The following GART variants were observed in gnomAD, a reference collection of about 807,000 sequenced individuals.
GART encodes phosphoribosylglycinamide formyltransferase, phosphoribosylglycinamide synthetase, phosphoribosylaminoimidazole synthetase, also known as trifunctional purine biosynthetic protein adenosine-3.
A neutral mutation model predicts 107.2 loss-of-function variants in GART; 43 were observed. The ratio of observed to expected loss-of-function variants is 0.40; its 90% CI spans 0.31 to 0.52. The LOEUF (loss-of-function observed/expected upper bound fraction) is 0.52, where lower values mean the gene tolerates loss of function less well. GART is among the 20% of genes least tolerant of loss of function. The probability of loss-of-function intolerance (pLI) is 0.52; values close to 1 mark genes in which losing one functional copy is unlikely to be tolerated. For missense variants in GART, 1,107 were observed against 1,206.5 expected, an observed-to-expected ratio of 0.92 and a Z score of 1.22; for synonymous variants, 434 against 427.0, an observed-to-expected ratio of 1.02 and a Z score of -0.20.
intron 8 of GART, 85 bp from the exon 9 acceptor site, chr21:33,528,689 T>C (rs775802746): frequency 8.5e-5 from 88 of 1,033,558 alleles, no homozygotes; most frequent in Non-Finnish European, 1.1e-4. Context: ...ATCTACTACA[T>C]AAACTTCTAA....
At chr21:33,531,263 G>A (rs2085182761) in intron 6 of GART, 1 of 506,106 alleles carries the variant, frequency 2.0e-6, no homozygotes, top group Non-Finnish European at 3.5e-6. Flanking sequence ...AACCTCAATA[G>A]TGTGTAAGTC....
intron 18 of GART, chr21:33,509,525 CA>C (rs1468249847): frequency 6.1e-6 from 2 of 330,292 alleles, no homozygotes; most frequent in African/African-American, 4.2e-5. Flanking sequence ...AGCTATGATA[CA>C]AAATGAGCTG....
chr21:33,504,470 T>C lies in GART; in HGVS notation c.2783A>G (p.His928Arg), dbSNP rs752771796. Reference sequence around the variant, plus strand: ...GACTCCGGTTTCCAGGGCTTGCTCATGGGCATTTGAACCCTTAAAAGAAGG... The same window carrying C: ...GACTCCGGTTTCCAGGGCTTGCTCACGGGCATTTGAACCCTTAAAAGAAGG... ...LLPSFKGSNA[H>R]EQALETGVTV... Residue 928 changes from histidine (H) to arginine (R), a missense_variant, in exon 21 of 22, where the codon CAT becomes CGT. Physicochemically the swap from His to Arg is conservative, Grantham distance 29. Transcript: ENST00000381815. The C allele has an allele frequency of 3.7e-6, 6 of 1,614,158 alleles. 1 individual carries two copies. The highest frequency in any genetic ancestry group is 3.3e-5 in the South Asian group (3 of 91,084).
At chr21:33,509,661 A>AC in intron 18 of GART, 122 bp downstream of exon 18, 1 of 947,416 alleles carries the variant, frequency 1.1e-6, no homozygotes, top group Non-Finnish European at 1.5e-6. Context: ...GACAAAGACA[A>AC]CCCTCATGAT....
chr21:33,503,972 G>T lies in GART; in HGVS notation c.*152C>A. On this transcript the variant is annotated 3_prime_UTR_variant, in exon 22 of 22. Transcript: ENST00000381815. Reference sequence around the variant, plus strand: ...CACTAACTAGTCTTGTTTTTAGTGAGTCTCTATTTATTAAAAAAATAGATG... The same window carrying T: ...CACTAACTAGTCTTGTTTTTAGTGATTCTCTATTTATTAAAAAAATAGATG... 1 of 620,760 alleles carries T rather than the reference G, an allele frequency of 1.6e-6. No homozygotes were observed. Among genetic ancestry groups the T allele is most frequent in the Non-Finnish European group, 2.7e-6 (1 of 372,510 alleles). 38.5% of individuals were successfully genotyped at this position (620,760 alleles called of 1,614,324 possible). A position where few individuals can be genotyped will look rare whatever the true frequency, so the allele number is the denominator to read the frequency against.
rs139229071 is a variant in GART at position 33,540,338 on chromosome 21, G to A, written c.-41-982C>T. 2.0e-5 allele frequency among the ~76,000 whole-genome samples: 3 copies of A among 152,302 alleles called. No individual in the cohort carries two copies. The East Asian group carries it at 5.8e-4, about 29-fold the overall frequency. On this transcript the variant is annotated intron_variant, in intron 1 of 21. Transcript: ENST00000381815. ...CGCTTTCAATAAAACTTTATGTACG[G>A]ATACTATAATTTGAATTTCATAAAA...
At chr21:33,537,259 C>T (rs1190254634) in intron 2 of GART, among the ~76,000 whole-genome samples, 1 of 152,130 alleles carries the variant, frequency 6.6e-6, no homozygotes, top group Non-Finnish European at 1.5e-5. Flanking sequence ...AATATCTCAC[C>T]CGTAGAATTA....
rs779750330 is a variant in GART, at chr21:33,511,281, AC to A, written c.2284del (p.Val762Ter). 3 of 1,614,178 alleles carry A rather than the reference AC, an allele frequency of 1.9e-6. No homozygotes were observed. In the Admixed American group the frequency reaches 5.0e-5, roughly 27 times the overall value. Reference sequence around the variant, plus strand: ...AGCTCGTGCAACCACACTGCCAATCACCCAGGCTTCTTCCTTGTGCTGCTGG... The same window carrying A: ...AGCTCGTGCAACCACACTGCCAATCACCAGGCTTCTTCCTTGTGCTGCTGG... ...DIQQHKEEAW[V>X]IGSVVARAEG... On this transcript the variant is annotated frameshift_variant, in exon 17 of 22. Coordinates refer to ENST00000381815, the MANE Select transcript of GART (RefSeq NM_000819.5). LOFTEE classifies it high-confidence loss of function.
chr21:33,528,339 G>C lies in GART; in HGVS notation c.898-4C>G, dbSNP rs921027129. 3.7e-6 allele frequency: 6 copies of C among 1,613,044 alleles called. No homozygotes were observed. In the Admixed American group the frequency reaches 8.3e-5, roughly 22 times the overall value. On this transcript the variant is annotated splice_region_variant and splice_polypyrimidine_tract_variant and intron_variant, in intron 9 of 21. Transcript: ENST00000381815. ...TTTTAAGAAGTGGGAGGATTACCTG[G>C]AAAAACATAATCCACATGGCAGGTG...
At chr21:33,529,016 G>T in intron 7 of GART, 79 bp from the exon 8 acceptor site, 1 of 857,394 alleles carries the variant, frequency 1.2e-6, no homozygotes, top group Non-Finnish European at 1.9e-6. Flanking sequence ...CAACAGAAGG[G>T]GATGATGAGG....
In GART at chr21:33,520,427, C is replaced by A. The variant is rs1010780712; in HGVS notation, c.1639G>T (p.Val547Leu). 6.2e-7 allele frequency: 1 copy of A among 1,613,974 alleles called. No individual in the cohort carries two copies. The change falls in exon 14 of 22, where the codon GTA becomes TTA. Residue 547 changes from valine to leucine, a missense_variant. Val to Leu is a conservative substitution (Grantham distance 32, BLOSUM62 1). Transcript: ENST00000381815. Reference sequence around the variant, plus strand: ...ATTCCAGCAACAACAGCTTCAGTTACACTGAGGTCAAGTTTTCCACAGGAA... The same window carrying A: ...ATTCCAGCAACAACAGCTTCAGTTAAACTGAGGTCAAGTTTTCCACAGGAA... ...YFSCGKLDLSVTEAVVAGIAK... is the reference protein window; with the variant it reads ...YFSCGKLDLSLTEAVVAGIAK...
At chr21:33,508,939 T>C (rs886649393) in intron 18 of GART, among the ~76,000 whole-genome samples, 8 of 152,232 alleles carry the variant, frequency 5.3e-5, no homozygotes, top group Middle Eastern at 3.2e-3. Flanking sequence ...TCCAGTTCCA[T>C]CCATATTGCT....
At chr21:33,534,481 TG>T (rs890107574) in intron 4 of GART, 97 bp downstream of exon 4, 8 of 1,312,424 alleles carry the variant, frequency 6.1e-6, no homozygotes, top group Non-Finnish European at 8.6e-6. Context: ...CCTCCCAAAG[TG>T]CTGGGATTAC....
rs773398251 is a variant in GART at position 33,522,180 on chromosome 21, T to A, written c.1393+8A>T. 16 of 1,603,838 alleles carry A rather than the reference T, an allele frequency of 1.0e-5. No homozygotes were observed. The South Asian group carries it at 1.8e-4, about 18-fold the overall frequency. On this transcript the variant is annotated splice_region_variant and intron_variant, in intron 12 of 21. Coordinates refer to ENST00000381815, the MANE Select transcript of GART (RefSeq NM_000819.5). Reference sequence around the variant, plus strand: ...GTTAATGAATTAGCAAAGTATAGGATCACTGACCTGATCTGGAAGTGGCTT... The same window carrying A: ...GTTAATGAATTAGCAAAGTATAGGAACACTGACCTGATCTGGAAGTGGCTT...
At chr21:33,504,561 T>A in intron 20 of GART, 34 bp from the exon 21 acceptor site, 1 of 1,463,080 alleles carries the variant, frequency 6.8e-7, no homozygotes, top group South Asian at 1.1e-5. Flanking sequence ...GGTCAGAATT[T>A]AAAAATCCTG....
rs147558295 is a variant in GART, at chr21:33,520,417, G to C, written c.1649C>G (p.Ala550Gly). The change falls in exon 14 of 22, where the codon GCT becomes GGT. Residue 550 changes from alanine (A) to glycine (G), a missense_variant. Transcript: ENST00000381815. ...CGKLDLSVTEAVVAGIAKACG... is the reference protein window; with the variant it reads ...CGKLDLSVTEGVVAGIAKACG... ...AGCTTTAGCAATTCCAGCAACAACA[G>C]CTTCAGTTACACTGAGGTCAAGTTT... 18 of 1,614,122 alleles carry C rather than the reference G, an allele frequency of 1.1e-5. No individual in the cohort carries two copies. The highest frequency in any genetic ancestry group is 2.7e-5 in the African/African-American group (2 of 75,046).
At chr21:33,532,078 G>A (rs2085202768) in intron 5 of GART, 1 of 404,412 alleles carries the variant, frequency 2.5e-6, no homozygotes, top group Admixed American at 4.1e-5. Context: ...TTATTTATAT[G>A]TTCTAGAGTC....
At chr21:33,511,791 T>A (rs1240176663) in intron 16 of GART, among the ~76,000 whole-genome samples, 2 of 152,194 alleles carry the variant, frequency 1.3e-5, no homozygotes, top group African/African-American at 2.4e-5. Context: ...CTTTTGTGAA[T>A]GTTTGGCTGA....
At chr21:33,510,183 T>C in intron 17 of GART, 1 of 329,812 alleles carries the variant, frequency 3.0e-6, no homozygotes, top group Non-Finnish European at 5.6e-6. Context: ...TATATATGAC[T>C]GCCTGCCAGT....
Sources: allele counts gnomAD v4.1 joint callset (sites outside exome capture counted in the v4.1 genomes callset), GRCh38; gene constraint gnomAD v4.1.1; transcripts MANE v1.5; gene names NCBI Gene and HGNC (gene_info 2026-07-23, HGNC 2026-07-21).